NCOA1: variants seen among roughly 807,000 people sequenced by gnomAD.
NCOA1 encodes nuclear receptor coactivator 1.
Under a neutral mutation model 150.9 loss-of-function variants are expected in NCOA1, and 35 were observed. The ratio of observed to expected loss-of-function variants is 0.23; its 90% CI spans 0.18 to 0.31. NCOA1 has a LOEUF of 0.31. NCOA1 is among the 10% of genes least tolerant of loss of function. The pLI, the probability that NCOA1 is intolerant of heterozygous loss-of-function variation, is 1.00. For missense variants in NCOA1, 1,491 were observed against 1,749.3 expected (o/e 0.85, Z 2.63); for synonymous variants, 590 against 630.0 (o/e 0.94, Z 0.95).
At chr2:24,659,919 G>A (rs1446944405) in intron 5 of NCOA1, among the ~76,000 whole-genome samples, 2 of 152,056 alleles carry the variant, frequency 1.3e-5, no homozygotes, top group East Asian at 3.9e-4. Flanking sequence ...GATAATCACT[G>A]ATCTAGAGAG....
chr2:24,604,043 C>T (rs1187742147), intron 3 of NCOA1, among the ~76,000 whole-genome samples: 1 of 152,214 alleles, frequency 6.6e-6, no homozygotes, highest in Non-Finnish European at 1.5e-5. Flanking sequence ...CATTAATCTC[C>T]TTGTACATCT....
intron 19 of NCOA1, among the ~76,000 whole-genome samples, chr2:24,751,558 G>T (rs1366170693): frequency 6.6e-6 from 1 of 150,936 alleles, no homozygotes; most frequent in Non-Finnish European, 1.5e-5. Flanking sequence ...ACTCCAGCCT[G>T]GGTGACAGAG....
intron 3 of NCOA1, among the ~76,000 whole-genome samples, chr2:24,617,615 A>G (rs943030049): frequency 3.3e-5 from 5 of 152,034 alleles, no homozygotes; most frequent in Non-Finnish European, 7.4e-5. Context: ...CTCATGATTA[A>G]TGTGTACGTA....
chr2:24,587,113 A>G (rs1199748330), intron 3 of NCOA1, among the ~76,000 whole-genome samples: 1 of 151,864 alleles, frequency 6.6e-6, no homozygotes, highest in African/African-American at 2.4e-5. Flanking sequence ...AAAAAAAAAA[A>G]AAGAAACTGG....
chr2:24,535,414 C>A (rs534620483), intron 1 of NCOA1, among the ~76,000 whole-genome samples: 10 of 152,188 alleles, frequency 6.6e-5, no homozygotes, highest in African/African-American at 2.4e-4. Flanking sequence ...GTTTGCCAGT[C>A]TGTGTCTTTT....
chr2:24,534,308 TA>T lies in NCOA1; in HGVS notation c.-395-29986del, dbSNP rs1665028666. ...GGTGATAATCCCCTCTATCATTTTT[TA>T]TTGCATCTATTTGATTCTTCTCTCT... On this transcript the variant is annotated intron_variant, in intron 1 of 22. Transcript: ENST00000348332. Among the ~76,000 whole-genome samples, 7 of 152,316 alleles carry T rather than the reference TA, an allele frequency of 4.6e-5. No individual in the cohort carries two copies. The South Asian group carries it at 1.4e-3, about 32-fold the overall frequency.
In NCOA1 at chr2:24,534,411, A is replaced by ATTTT. The variant is rs200366201; in HGVS notation, c.-395-29875_-395-29872dup. Among the ~76,000 whole-genome samples, 124 of 145,512 alleles carry ATTTT rather than the reference A, an allele frequency of 8.5e-4. 1 individual carries two copies. The highest frequency in any genetic ancestry group is 3.0e-3 in the African/African-American group (121 of 39,848). On this transcript the variant is annotated intron_variant, in intron 1 of 22. Coordinates refer to ENST00000348332, the MANE Select transcript of NCOA1 (RefSeq NM_003743.5). ...AGAAAACCAGCTCCTGGATTCATTG[A>ATTTT]TTTTTTTTTTTTAAGGGTTTTTTGT...
intron 3 of NCOA1, among the ~76,000 whole-genome samples, chr2:24,630,344 G>A (rs1238888962): frequency 1.3e-5 from 2 of 152,228 alleles, no homozygotes; most frequent in Non-Finnish European, 2.9e-5. Context: ...CCTGTAGGCA[G>A]ATGTGGATAA....
At chr2:24,674,658 T>C (rs1394260034) in intron 7 of NCOA1, among the ~76,000 whole-genome samples, 1 of 152,212 alleles carries the variant, frequency 6.6e-6, no homozygotes, top group Admixed American at 6.5e-5. Flanking sequence ...AGACACTGGA[T>C]ATCTACATCA....
intron 7 of NCOA1, among the ~76,000 whole-genome samples, chr2:24,681,577 T>C (rs563508294): frequency 3.9e-4 from 60 of 152,336 alleles, no homozygotes; most frequent in Non-Finnish European, 7.8e-4. Context: ...ATGCTATCTC[T>C]ATAGCATTAG....
At chr2:24,704,998 A>G in intron 11 of NCOA1, 88 bp from the exon 12 acceptor site, 2 of 1,385,624 alleles carry the variant, frequency 1.4e-6, no homozygotes, top group Non-Finnish European at 2.0e-6. Context: ...CTTTAAAATG[A>G]GGTTCTAAGT....
At chr2:24,572,484 A>G (rs1023103227) in intron 2 of NCOA1, among the ~76,000 whole-genome samples, 1 of 152,222 alleles carries the variant, frequency 6.6e-6, no homozygotes, top group African/African-American at 2.4e-5. Flanking sequence ...GGATACTACA[A>G]TTCATGAAAG....
chr2:24,494,999 T>C (rs962980143), intron 1 of NCOA1, among the ~76,000 whole-genome samples: 3 of 152,064 alleles, frequency 2.0e-5, no homozygotes, highest in African/African-American at 7.2e-5. Flanking sequence ...TTAGACCTTG[T>C]GCCTTTCAAC....
At chr2:24,556,421 C>A (rs1476183738) in intron 1 of NCOA1, among the ~76,000 whole-genome samples, 1 of 152,134 alleles carries the variant, frequency 6.6e-6, no homozygotes, top group Non-Finnish European at 1.5e-5. Context: ...GATTCCACAT[C>A]TTTGCTATTG....
chr2:24,564,888 C>G (rs899292281), intron 2 of NCOA1: 2 of 151,972 alleles, frequency 1.3e-5, no homozygotes, highest in African/African-American at 4.8e-5. Context: ...CATTATGACC[C>G]CTGAGAAAAG....
intron 8 of NCOA1, among the ~76,000 whole-genome samples, chr2:24,688,701 C>T (rs1352129066): frequency 6.6e-6 from 1 of 152,084 alleles, no homozygotes; most frequent in Non-Finnish European, 1.5e-5. Flanking sequence ...CTGTAGGTTG[C>T]CTGTTTACTC....
intron 1 of NCOA1, 86 bp from the exon 2 acceptor site, chr2:24,564,209 T>C (rs1174229330): frequency 6.6e-6 from 1 of 152,354 alleles, no homozygotes; most frequent in East Asian, 1.9e-4. Flanking sequence ...AGAATCTTTG[T>C]ATGCTTACAA....
At chr2:24,738,764 T>C (rs1439156995) in intron 17 of NCOA1, among the ~76,000 whole-genome samples, 1 of 152,200 alleles carries the variant, frequency 6.6e-6, no homozygotes, top group East Asian at 1.9e-4. Flanking sequence ...TCCCAGCACA[T>C]CTATTAATAT....
chr2:24,623,580 G>A (rs955061630), intron 3 of NCOA1, among the ~76,000 whole-genome samples: 2 of 152,164 alleles, frequency 1.3e-5, no homozygotes, highest in Non-Finnish European at 2.9e-5. Context: ...ACACCCCTCG[G>A]AGGGTCTGTA....
Sources: allele counts gnomAD v4.1 joint callset (sites outside exome capture counted in the v4.1 genomes callset), GRCh38; gene constraint gnomAD v4.1.1; transcripts MANE v1.5; gene names NCBI Gene and HGNC (gene_info 2026-07-23, HGNC 2026-07-21).